KCNIP4: variants seen among roughly 807,000 people sequenced by gnomAD.
The protein encoded by KCNIP4 is Kv channel-interacting protein 4.
Under a neutral mutation model 34.0 loss-of-function variants are expected in KCNIP4, and 12 were observed. The observed-to-expected ratio is 0.35, with a 90% confidence interval of 0.23 to 0.57. The LOEUF is 0.57. Ranked by LOEUF, KCNIP4 falls within the 20% of genes least tolerant of loss-of-function variation. The probability of loss-of-function intolerance (pLI) is 0.83; values close to 1 mark genes in which losing one functional copy is unlikely to be tolerated. For synonymous variants in KCNIP4, 124 were observed against 102.2 expected (o/e 1.21, Z -1.29); for missense variants, 238 against 311.7 (o/e 0.76, Z 1.78).
chr4:21,697,286 A>G, intron 1 of KCNIP4: 1 of 1,390,998 alleles, frequency 7.2e-7, no homozygotes, highest in Non-Finnish European at 9.3e-7. Context: ...TTCCATTTCA[A>G]CTTCATTACC....
chr4:21,734,725 T>G lies in KCNIP4; in HGVS notation c.61+213846A>C, dbSNP rs1256013456. ...TACATAAGGAAATGTATGATAAAAT[T>G]TCAAAAATACAACAGAATTTTCAAA... On this transcript the variant is annotated intron_variant, in intron 1 of 8. Transcript: ENST00000382152. Among the ~76,000 whole-genome samples the G allele has an allele frequency of 2.0e-5, 3 of 152,160 alleles. No homozygotes were observed. In the East Asian group the frequency reaches 5.8e-4, roughly 29 times the overall value.
intron 1 of KCNIP4, among the ~76,000 whole-genome samples, chr4:21,928,952 C>A (rs1578153595): frequency 6.6e-6 from 1 of 152,172 alleles, no homozygotes; most frequent in Middle Eastern, 3.4e-3. Context: ...AACATCCCAT[C>A]TCTGCCCCAG....
chr4:20,758,813 G>A lies in KCNIP4; in HGVS notation c.358+8C>T. ...ATAGTATGTTAACAAGTCCACATTT[G>A]TACTTACCTCCCTGTGGAAAGAACT... On this transcript the variant is annotated splice_region_variant and intron_variant, in intron 4 of 8. Transcript: ENST00000382152. 1 of 1,606,976 alleles carries A rather than the reference G, an allele frequency of 6.2e-7. No individual in the cohort carries two copies. Among genetic ancestry groups the A allele is most frequent in the Non-Finnish European group, 8.5e-7 (1 of 1,173,870 alleles).
chr4:21,492,355 A>T lies in KCNIP4; in HGVS notation c.61+456216T>A, dbSNP rs193248908. Among the ~76,000 whole-genome samples the T allele has an allele frequency of 8.5e-5, 13 of 152,264 alleles. No individual in the cohort carries two copies. In the East Asian group the frequency reaches 2.3e-3, roughly 27 times the overall value. On this transcript the variant is annotated intron_variant, in intron 1 of 8. Transcript: ENST00000382152. ...CACCTCAGCCTCCCCAGTAGCTAGG[A>T]CTACAGACATGTATCACCATGCTTA...
At chr4:20,743,872 C>CT (rs1461141299) in intron 5 of KCNIP4, among the ~76,000 whole-genome samples, 2 of 151,884 alleles carry the variant, frequency 1.3e-5, no homozygotes, top group Admixed American at 1.3e-4. Flanking sequence ...ACCTACTCAT[C>CT]TGACAAAGGG....
chr4:21,622,736 T>G (rs16871611), intron 1 of KCNIP4, among the ~76,000 whole-genome samples: 2,111 of 152,240 alleles, frequency 0.014, 56 homozygotes, highest in African/African-American at 0.047. Context: ...AGGCATCAAC[T>G]TAAAAAAATA....
chr4:20,882,543 A>C (rs1025160453), intron 2 of KCNIP4, 65 bp downstream of exon 2: 97 of 1,095,740 alleles, frequency 8.9e-5, no homozygotes, highest in Non-Finnish European at 1.2e-4. Flanking sequence ...ACGGCAATGC[A>C]TGCAGGCCTA....
At chr4:21,877,385 C>G (rs942337114) in intron 1 of KCNIP4, among the ~76,000 whole-genome samples, 1 of 151,246 alleles carries the variant, frequency 6.6e-6, no homozygotes, top group East Asian at 1.9e-4. Context: ...TAAATAAAAC[C>G]AAACACTGAG....
chr4:21,579,805 A>T (rs1330405760), intron 1 of KCNIP4, among the ~76,000 whole-genome samples: 2 of 152,184 alleles, frequency 1.3e-5, no homozygotes, highest in African/African-American at 4.8e-5. Context: ...TTATTTAACT[A>T]AATGTTTCCC....
At chr4:20,745,442 T>G (rs1486701182) in intron 5 of KCNIP4, among the ~76,000 whole-genome samples, 2 of 152,064 alleles carry the variant, frequency 1.3e-5, no homozygotes, top group Admixed American at 6.6e-5. Context: ...AAAAGAAAAA[T>G]GAGAAACTTA....
intron 1 of KCNIP4, among the ~76,000 whole-genome samples, chr4:21,328,699 A>G (rs1715327397): frequency 1.3e-5 from 2 of 152,212 alleles, no homozygotes; most frequent in Admixed American, 1.3e-4. Context: ...AGACAGGTCC[A>G]GAGATGACAT....
intron 8 of KCNIP4, 115 bp from the exon 9 acceptor site, chr4:20,730,244 AG>A (rs1192940901): frequency 7.7e-7 from 1 of 1,304,946 alleles, no homozygotes; most frequent in African/African-American, 1.5e-5. Flanking sequence ...CTATGCCAAA[AG>A]CTCAAATATT....
chr4:20,911,533 T>A (rs1309904548), intron 1 of KCNIP4, among the ~76,000 whole-genome samples: 2 of 152,126 alleles, frequency 1.3e-5, no homozygotes, highest in Non-Finnish European at 2.9e-5. Flanking sequence ...CTGGTAATAG[T>A]TTTTGCAACT....
chr4:21,429,983 T>A (rs567381223), intron 1 of KCNIP4, among the ~76,000 whole-genome samples: 1 of 152,152 alleles, frequency 6.6e-6, no homozygotes, highest in East Asian at 1.9e-4. Flanking sequence ...GATAAAGCAA[T>A]TTCCCTTAAA....
At chr4:20,731,370 G>A in intron 8 of KCNIP4, 3 of 983,484 alleles carry the variant, frequency 3.1e-6, no homozygotes, top group Non-Finnish European at 3.6e-6. Context: ...TACTGTACCA[G>A]GCCTTAACAA....
chr4:21,879,279 T>G (rs2109381072), intron 1 of KCNIP4, among the ~76,000 whole-genome samples: 1 of 152,312 alleles, frequency 6.6e-6, no homozygotes, highest in East Asian at 1.9e-4. Context: ...CTCTTAGTTG[T>G]CTTGGAAGCT....
intron 1 of KCNIP4, among the ~76,000 whole-genome samples, chr4:21,071,312 C>G (rs913324574): frequency 2.6e-5 from 4 of 151,980 alleles, no homozygotes; most frequent in African/African-American, 9.7e-5. Context: ...GTTTGTTTAC[C>G]TGTTGTCCGA....
chr4:21,946,552 A>G (rs1730521992), intron 1 of KCNIP4, among the ~76,000 whole-genome samples: 1 of 152,206 alleles, frequency 6.6e-6, no homozygotes, highest in African/African-American at 2.4e-5. Flanking sequence ...ACAAGTAAGC[A>G]AAGTACTTAT....
At chr4:20,830,719 T>C (rs1055490804) in intron 3 of KCNIP4, among the ~76,000 whole-genome samples, 1 of 152,238 alleles carries the variant, frequency 6.6e-6, no homozygotes, top group African/African-American at 2.4e-5. Flanking sequence ...TTACAGGGCC[T>C]GTTTGCTTCT....
Sources: allele counts gnomAD v4.1 joint callset (sites outside exome capture counted in the v4.1 genomes callset), GRCh38; gene constraint gnomAD v4.1.1; transcripts MANE v1.5; gene names NCBI Gene and HGNC (gene_info 2026-07-23, HGNC 2026-07-21).